DNMT3A: variants seen among roughly 807,000 people sequenced by gnomAD.
The protein encoded by DNMT3A is DNA methyltransferase 3 alpha, also known as DNA (cytosine-5)-methyltransferase 3A.
A neutral mutation model predicts 117.6 loss-of-function variants in DNMT3A; 267 were observed. The ratio of observed to expected loss-of-function variants is 2.27; its 90% CI spans 2.05 to 2.51. The LOEUF (loss-of-function observed/expected upper bound fraction) is 2.51. Among genes scored for constraint, DNMT3A ranks in the 30% most tolerant of loss-of-function variants. DNMT3A has a pLI of 0.00. For synonymous variants in DNMT3A, 432 were observed against 474.8 expected, an observed-to-expected ratio of 0.91 and a Z score of 1.17; for missense variants, 1,029 against 1,260.2, an observed-to-expected ratio of 0.82 and a Z score of 2.78.
At chr2:25,307,965 T>G (rs1340855704) in intron 2 of DNMT3A, among the ~76,000 whole-genome samples, 1 of 152,186 alleles carries the variant, frequency 6.6e-6, no homozygotes, top group Non-Finnish European at 1.5e-5. Context: ...CCACTTGCCT[T>G]GTTTTACTTT....
At chr2:25,244,376 C>T in intron 14 of DNMT3A, 38 bp from the exon 15 acceptor site, 1 of 1,577,484 alleles carries the variant, frequency 6.3e-7, no homozygotes, top group Non-Finnish European at 8.6e-7. Flanking sequence ...GACTCTCAGC[C>T]CTGGTCCGGG....
At chr2:25,326,230 G>C (rs550881591) in intron 1 of DNMT3A, among the ~76,000 whole-genome samples, 2 of 150,432 alleles carry the variant, frequency 1.3e-5, no homozygotes, top group East Asian at 3.9e-4. Flanking sequence ...TTGACAGTTA[G>C]CTTTATAATG....
At position 25,279,724 on chromosome 2, in the gene DNMT3A, T is replaced by C. The variant is rs529563941; in HGVS notation, c.448+2717A>G. On this transcript the variant is annotated intron_variant, in intron 4 of 22. Coordinates refer to ENST00000321117, the MANE Select transcript of DNMT3A (RefSeq NM_022552.5). The stretch of plus-strand genomic sequence containing the variant: ...TTTTTTGAGATGGAGTCTCACTCTA[T>C]TGCCCAGGCTGGAGTGCAGTGGCAC... Among the ~76,000 whole-genome samples the C allele has an allele frequency of 1.2e-4, 18 of 152,006 alleles. No individual in the cohort carries two copies. The South Asian group carries it at 3.7e-3, about 32-fold the overall frequency.
rs1162485155 is a variant in DNMT3A at position 25,304,013 on chromosome 2, C to T, written c.73-3770G>A. 1.3e-5 allele frequency among the ~76,000 whole-genome samples: 2 copies of T among 152,190 alleles called. No homozygotes were observed. Among genetic ancestry groups the T allele is most frequent in the African/African-American group, 4.8e-5 (2 of 41,442 alleles). ...AGTAGCCCTGAATTAGGAGGCGTTG[C>T]TAATACTCTGAAAGAAAAGAATCTG... is the stretch of plus-strand genomic sequence containing the variant. On this transcript the variant is annotated intron_variant, in intron 2 of 22. Coordinates refer to ENST00000321117, the MANE Select transcript of DNMT3A (RefSeq NM_022552.5). The surrounding 1 kb of genome is among the most constrained non-coding windows in gnomAD (Gnocchi z 4.3).
intron 3 of DNMT3A, among the ~76,000 whole-genome samples, chr2:25,285,485 C>T (rs930984817): frequency 6.6e-6 from 1 of 152,210 alleles, no homozygotes; most frequent in Non-Finnish European, 1.5e-5. Context: ...TCCTGCTGTG[C>T]GGGGCAGCTG....
rs567843302 is a variant in DNMT3A, at chr2:25,298,937, A to AC, written c.177+1201dup. Among the ~76,000 whole-genome samples the AC allele has an allele frequency of 0.11, 8,933 of 82,734 alleles. 449 individuals carry two copies. The highest frequency in any genetic ancestry group is 0.16 in the Non-Finnish European group (6,396 of 40,796). 54.3% of individuals were successfully genotyped at this position (82,734 alleles called of 152,430 possible). ...CACCCCCCACCTCCAGGAACTCACCACCCCCCCCGCCTCTACTGTCCCATT... is the reference window on the plus strand; with the variant it reads ...CACCCCCCACCTCCAGGAACTCACCACCCCCCCCCGCCTCTACTGTCCCATT... On this transcript the variant is annotated intron_variant, in intron 3 of 22. Transcript: ENST00000321117. The surrounding 1 kb of genome is among the most constrained non-coding windows in gnomAD (Gnocchi z 4.3).
At position 25,231,655 on chromosome 2, in the gene DNMT3A, T is replaced by C. The variant is rs1672890573; in HGVS notation, c.*2624A>G. ...TCAATTTGATTTCAGTTGGGGAGAA[T>C]AGGTAGGGGGAGTTGAGGGCTGACT... On this transcript the variant is annotated 3_prime_UTR_variant, in exon 23 of 23. Transcript: ENST00000321117. 6.7e-6 allele frequency: 1 copy of C among 149,838 alleles called. No homozygotes were observed. Among genetic ancestry groups the C allele is most frequent in the Non-Finnish European group, 1.5e-5 (1 of 67,616 alleles). 9.3% of individuals were successfully genotyped at this position (149,838 alleles called of 1,614,324 possible).
rs373860660 is a variant in DNMT3A, at chr2:25,245,294, C to A, written c.1513G>T (p.Glu505Ter). The change falls in exon 13 of 23, where the codon GAA (glutamate) becomes TAA (stop). Residue 505 changes from glutamate to a stop codon, truncating the protein, a stop_gained. Transcript: ENST00000321117. LOFTEE classifies it high-confidence loss of function. ...ISCGSLNVTLEHPLFVGGMCQ... is the reference protein window; with the variant it reads ...ISCGSLNVTL ...ATTCCTCCAACGAAGAGGGGGTGTTCCAGGGTAACATTGAGGCTCCCACAG... is the reference window on the plus strand; with the variant it reads ...ATTCCTCCAACGAAGAGGGGGTGTTACAGGGTAACATTGAGGCTCCCACAG... 1 of 1,613,886 alleles carries A rather than the reference C, an allele frequency of 6.2e-7. No individual in the cohort carries two copies. Among genetic ancestry groups the A allele is most frequent in the Non-Finnish European group, 8.5e-7 (1 of 1,179,962 alleles).
intron 1 of DNMT3A, among the ~76,000 whole-genome samples, chr2:25,325,961 G>A (rs966676202): frequency 6.6e-6 from 1 of 152,240 alleles, no homozygotes; most frequent in African/African-American, 2.4e-5. Flanking sequence ...AGCATGACCT[G>A]CTAAGGCTCT....
chr2:25,275,648 G>T, intron 4 of DNMT3A, 105 bp from the exon 5 acceptor site: 2 of 1,262,618 alleles, frequency 1.6e-6, no homozygotes, highest in Non-Finnish European at 2.2e-6. Flanking sequence ...CAGGGGATGG[G>T]GGTCCTCTGG....
chr2:25,337,565 G>A lies in DNMT3A; in HGVS notation c.-178+4261C>T, dbSNP rs529833816. ...GTCAGAGTGCAGCTCCCTGTGACTC[G>A]AGGGCCTCAAGCTGCCTTGACACTG... is the stretch of plus-strand genomic sequence containing the variant. On this transcript the variant is annotated intron_variant, in intron 1 of 22. Coordinates refer to ENST00000321117, the MANE Select transcript of DNMT3A (RefSeq NM_022552.5). The surrounding 1 kb of genome is among the most constrained non-coding windows in gnomAD (Gnocchi z 5.0). Among the ~76,000 whole-genome samples the A allele has an allele frequency of 1.3e-5, 2 of 152,288 alleles. No homozygotes were observed. The highest frequency in any genetic ancestry group is 1.9e-4 in the East Asian group (1 of 5,178).
intron 2 of DNMT3A, among the ~76,000 whole-genome samples, chr2:25,309,117 T>TCACC (rs1206872983): frequency 2.0e-5 from 3 of 152,174 alleles, no homozygotes; most frequent in Non-Finnish European, 4.4e-5. Flanking sequence ...CCAGCAGGCC[T>TCACC]CACCCACCCC....
chr2:25,272,338 C>A (rs2030979577), intron 6 of DNMT3A, among the ~76,000 whole-genome samples: 1 of 152,214 alleles, frequency 6.6e-6, no homozygotes, highest in Non-Finnish European at 1.5e-5. Context: ...GAAAATGTAT[C>A]TATGATCTAA....
At chr2:25,243,798 T>C in intron 16 of DNMT3A, 100 bp downstream of exon 16, 1 of 1,260,674 alleles carries the variant, frequency 7.9e-7, no homozygotes, top group Non-Finnish European at 1.1e-6. Flanking sequence ...TTAACAGCTG[T>C]GAAGCTAACC....
In DNMT3A at chr2:25,232,491, C is replaced by T. The variant is rs891733268; in HGVS notation, c.*1788G>A. ...ACTAGAAAAGAAATACACACCACTC[C>T]AATCACACACACAAGGAGAGAGACG... is the stretch of plus-strand genomic sequence containing the variant. On this transcript the variant is annotated 3_prime_UTR_variant, in exon 23 of 23. Coordinates refer to ENST00000321117, the MANE Select transcript of DNMT3A (RefSeq NM_022552.5). This position sits in a 1 kb window ranked among gnomAD's most constrained non-coding sequence, Gnocchi z 4.1. 1.3e-5 allele frequency: 2 copies of T among 152,322 alleles called. No homozygotes were observed. Among genetic ancestry groups the T allele is most frequent in the African/African-American group, 2.4e-5 (1 of 41,458 alleles). The allele number at this position is 152,322 out of a possible 1,614,324, so 9.4% of individuals were successfully genotyped here.
Position 25,327,054 on chromosome 2 carries a change from C to T in DNMT3A, c.-177-12893G>A, listed in dbSNP as rs2034814987. Among the ~76,000 whole-genome samples, 1 of 152,192 alleles carries T rather than the reference C, an allele frequency of 6.6e-6. No individual in the cohort carries two copies. The highest frequency in any genetic ancestry group is 6.5e-5 in the Admixed American group (1 of 15,284). On this transcript the variant is annotated intron_variant, in intron 1 of 22. Transcript: ENST00000321117. This position sits in a 1 kb window ranked among gnomAD's most constrained non-coding sequence, Gnocchi z 4.1. The stretch of plus-strand genomic sequence containing the variant: ...ACGTTGCCATCCAGGGAGCCATCGC[C>T]ACACCCTCTCCATCAAGGTGTGGAT...
chr2:25,252,019 G>T lies in DNMT3A; in HGVS notation c.640-3767C>A. 2.7e-6 allele frequency: 2 copies of T among 752,292 alleles called. No individual in the cohort carries two copies. Among genetic ancestry groups the T allele is most frequent in the Non-Finnish European group, 2.0e-6 (1 of 501,230 alleles). The allele number at this position is 752,292 out of a possible 1,614,324, so 46.6% of individuals were successfully genotyped here. A position where few individuals can be genotyped will look rare whatever the true frequency, so the allele number is the denominator to read the frequency against. On this transcript the variant is annotated intron_variant, in intron 6 of 22. Transcript: ENST00000321117. The surrounding 1 kb of genome is among the most constrained non-coding windows in gnomAD (Gnocchi z 5.5). ...TGGGGCTCGTGGGCAGGAAGGCGGC[G>T]GGCCAGCACTAAGTCAGCATCTCCA...
intron 6 of DNMT3A, among the ~76,000 whole-genome samples, chr2:25,274,134 G>C (rs1261069208): frequency 6.6e-6 from 1 of 152,138 alleles, no homozygotes; most frequent in East Asian, 1.9e-4. Flanking sequence ...ATCCTCCCCT[G>C]GGTCTTCCCA....
At chr2:25,245,500 G>C (rs1011790242) in intron 12 of DNMT3A, among the ~76,000 whole-genome samples, 168 bp from the exon 13 acceptor site, 1 of 152,238 alleles carries the variant, frequency 6.6e-6, no homozygotes, top group Non-Finnish European at 1.5e-5. Context: ...CCCCAGTCTC[G>C]AACGCCATCA....
Sources: allele counts gnomAD v4.1 joint callset (sites outside exome capture counted in the v4.1 genomes callset), GRCh38; gene constraint gnomAD v4.1.1; non-coding constraint Gnocchi (gnomAD v3.1); transcripts MANE v1.5; gene names NCBI Gene and HGNC (gene_info 2026-07-23, HGNC 2026-07-21).